Variants in SHOC1 observed in about 807,000 individuals in gnomAD.
SHOC1 encodes the protein shortage in chiasmata 1, also known as protein shortage in chiasmata 1 ortholog.
In SHOC1, 136 loss-of-function variants were observed where a neutral mutation model predicts 179.2. That is an observed-to-expected ratio of 0.76 (90% CI 0.66 to 0.87). SHOC1 has a LOEUF of 0.87. SHOC1 is among the 40% of genes least tolerant of loss of function. SHOC1 has a pLI of 0.00. For synonymous variants in SHOC1, 489 were observed against 586.6 expected (o/e 0.83, Z 2.41); for missense variants, 1,538 against 1,700.8 (o/e 0.90, Z 1.68).
At chr9:111,742,480 G>GGGGT (rs10663433) in intron 10 of SHOC1, among the ~76,000 whole-genome samples, 27,922 of 151,624 alleles carry the variant, frequency 0.18, 3,498 homozygotes, top group African/African-American at 0.35. Context: ...TGTGTGTTTA[G>GGGGT]GGGTACTCGG....
Position 111,692,395 on chromosome 9 carries a change from A to C in SHOC1, c.3582T>G (p.Ser1194Arg). ...RNQISTLSSQ[S>R]SASDLDSVIQ... ...TGACAGAGTCTAAATCAGAAGCTGA[A>C]CTTTGAGAAGACAAGGTACTAATCT... The change falls in exon 27 of 28, where the codon AGT (serine) becomes AGG (arginine). Residue 1194 changes from serine to arginine, a missense_variant. Ser to Arg is a moderately radical substitution (Grantham distance 110). Coordinates refer to ENST00000682961, the MANE Select transcript of SHOC1 (RefSeq NM_001378211.1). 1 of 1,613,664 alleles carries C rather than the reference A, an allele frequency of 6.2e-7. No individual in the cohort carries two copies. The highest frequency in any genetic ancestry group is 8.5e-7 in the Non-Finnish European group (1 of 1,179,806).
At chr9:111,781,449 G>A (rs1045244492) in intron 3 of SHOC1, among the ~76,000 whole-genome samples, 2 of 152,160 alleles carry the variant, frequency 1.3e-5, no homozygotes, top group African/African-American at 4.8e-5. Context: ...TAGGCGGCAC[G>A]TAGTGGCTCA....
chr9:111,712,781 A>G (rs990472935), intron 18 of SHOC1, among the ~76,000 whole-genome samples: 18 of 152,124 alleles, frequency 1.2e-4, no homozygotes, highest in Non-Finnish European at 2.6e-4. Context: ...TAGTTTCTTT[A>G]TTTGTAAAAC....
At chr9:111,736,056 A>G (rs113448645) in intron 12 of SHOC1, among the ~76,000 whole-genome samples, 1 of 152,358 alleles carries the variant, frequency 6.6e-6, no homozygotes, top group African/African-American at 2.4e-5. Flanking sequence ...CTGCTGAAAG[A>G]AATCATAGAT....
chr9:111,687,991 A>C lies in SHOC1; in HGVS notation c.4427-1121T>G, dbSNP rs140722593. 7.2e-5 allele frequency among the ~76,000 whole-genome samples: 11 copies of C among 152,354 alleles called. No homozygotes were observed. The Middle Eastern group carries it at 0.01, about 141-fold the overall frequency. On this transcript the variant is annotated intron_variant, in intron 27 of 27. Coordinates refer to ENST00000682961, the MANE Select transcript of SHOC1 (RefSeq NM_001378211.1). ...TTAACTCCAATTAAGGAGCTAAAGA[A>C]TCCTTAAGTAAACAATTAGATGAAA...
At position 111,691,805 on chromosome 9, in the gene SHOC1, C is replaced by T; in HGVS notation, c.4172G>A (p.Gly1391Asp). The change falls in exon 27 of 28, where the codon GGT becomes GAT. Residue 1391 changes from glycine (G) to aspartate (D), a missense_variant. Physicochemically the swap from Gly to Asp is moderately conservative, Grantham distance 94 (BLOSUM62 -1). Transcript: ENST00000682961. ...TACNKLYSQK[G>D]NLFTDQQKCL... ...TTTTTGCTGATCAGTGAATAAATTA[C>T]CTTTCTGAGAGTACAATTTGTTACA... The T allele has an allele frequency of 6.2e-7, 1 of 1,613,802 alleles. No individual in the cohort carries two copies. The highest frequency in any genetic ancestry group is 8.5e-7 in the Non-Finnish European group (1 of 1,179,950).
chr9:111,779,814 A>T (rs182062756), intron 4 of SHOC1, among the ~76,000 whole-genome samples: 1 of 152,342 alleles, frequency 6.6e-6, no homozygotes, highest in East Asian at 1.9e-4. Flanking sequence ...GGGGATTCAT[A>T]TGTACAGTAA....
intron 15 of SHOC1, among the ~76,000 whole-genome samples, chr9:111,720,847 A>G (rs1383935034): frequency 1.3e-5 from 2 of 152,240 alleles, no homozygotes; most frequent in Non-Finnish European, 2.9e-5. Context: ...GAAAACAGTA[A>G]TAAGAAGTGT....
intron 18 of SHOC1, among the ~76,000 whole-genome samples, chr9:111,709,567 T>C (rs891927915): frequency 2.0e-5 from 3 of 152,232 alleles, no homozygotes; most frequent in Admixed American, 1.3e-4. Flanking sequence ...CATCTTCCAG[T>C]TTATAGACTC....
chr9:111,741,777 G>A (rs754333537), intron 10 of SHOC1, among the ~76,000 whole-genome samples: 1 of 151,916 alleles, frequency 6.6e-6, no homozygotes, highest in African/African-American at 2.4e-5. Context: ...GATTACAGGC[G>A]TCTGCCACCA....
chr9:111,718,964 A>G (rs1488455344), intron 15 of SHOC1, among the ~76,000 whole-genome samples: 1 of 152,150 alleles, frequency 6.6e-6, no homozygotes, highest in Non-Finnish European at 1.5e-5. Flanking sequence ...TTTTTCATAT[A>G]TTGAGATCTC....
At chr9:111,700,102 T>C (rs1831899513) in intron 23 of SHOC1, 55 bp from the exon 24 acceptor site, 1 of 958,054 alleles carries the variant, frequency 1.0e-6, no homozygotes, top group East Asian at 2.8e-5. Context: ...ATTATATTTA[T>C]TAAAAATTCA....
At chr9:111,788,097 G>A (rs1156595937) in intron 2 of SHOC1, among the ~76,000 whole-genome samples, 6 of 118,132 alleles carry the variant, frequency 5.1e-5, no homozygotes, top group South Asian at 2.5e-4. Context: ...ACAGAGTCTC[G>A]CTCTTGTCGC....
chr9:111,780,921 G>C lies in SHOC1; in HGVS notation c.257+9C>G. 2 of 1,596,416 alleles carry C rather than the reference G, an allele frequency of 1.3e-6. No homozygotes were observed. Among genetic ancestry groups the C allele is most frequent in the South Asian group, 2.2e-5 (2 of 90,286 alleles). On this transcript the variant is annotated intron_variant, in intron 4 of 27. Transcript: ENST00000682961. The stretch of plus-strand genomic sequence containing the variant: ...TGTAAAAGAGAAATTTGAGATTAAG[G>C]ATACATACTTCTCAAGGAAATCCTC...
chr9:111,718,268 T>C lies in SHOC1; in HGVS notation c.2152A>G (p.Met718Val). ...VRQGTIDERE[M>V]TFKHAALLHL... is the part of the protein sequence containing the mutation. ...AAGAGAGCGGCATGCTTGAAAGTCATTTCTCTTTCATCAATTGTACCTAAG... is the reference window on the plus strand; with the variant it reads ...AAGAGAGCGGCATGCTTGAAAGTCACTTCTCTTTCATCAATTGTACCTAAG... Residue 718 changes from methionine to valine, a missense_variant, in exon 16 of 28, where the codon ATG becomes GTG. By Grantham distance (21) the Met-to-Val change is conservative. Transcript: ENST00000682961. 2 of 1,594,620 alleles carry C rather than the reference T, an allele frequency of 1.3e-6. No individual in the cohort carries two copies. The highest frequency in any genetic ancestry group is 1.7e-6 in the Non-Finnish European group (2 of 1,173,514).
At position 111,688,379 on chromosome 9, in the gene SHOC1, T is replaced by C. The variant is rs955879937; in HGVS notation, c.4427-1509A>G. 2.6e-5 allele frequency among the ~76,000 whole-genome samples: 4 copies of C among 152,188 alleles called. No homozygotes were observed. In the East Asian group the frequency reaches 5.8e-4, roughly 22 times the overall value. ...TTATTATCCATATATTATTTATATA[T>C]GGATATCCATATATAGTTATCCCTA... On this transcript the variant is annotated intron_variant, in intron 27 of 27. Transcript: ENST00000682961.
chr9:111,767,181 G>A (rs1835389915), intron 5 of SHOC1, among the ~76,000 whole-genome samples: 1 of 152,102 alleles, frequency 6.6e-6, no homozygotes, highest in Non-Finnish European at 1.5e-5. Flanking sequence ...TTGTGCAGAA[G>A]CTTTTTAGCT....
chr9:111,784,682 C>T (rs763282777), intron 3 of SHOC1, among the ~76,000 whole-genome samples: 6 of 152,166 alleles, frequency 3.9e-5, no homozygotes, highest in Non-Finnish European at 5.9e-5. Flanking sequence ...ATCATAGACT[C>T]GGTGGCTCAA....
In SHOC1 at chr9:111,691,691, T is replaced by C. The variant is rs771378185; in HGVS notation, c.4286A>G (p.Asp1429Gly). 1.2e-6 allele frequency: 2 copies of C among 1,613,974 alleles called. No homozygotes were observed. Among genetic ancestry groups the C allele is most frequent in the South Asian group, 2.2e-5 (2 of 91,080 alleles). The change falls in exon 27 of 28, where the codon GAT becomes GGT. Residue 1429 changes from aspartate (D) to glycine (G), a missense_variant. Asp to Gly is a moderately conservative substitution (Grantham distance 94, BLOSUM62 -1). Coordinates refer to ENST00000682961, the MANE Select transcript of SHOC1 (RefSeq NM_001378211.1). ...ATTAGAATCAGAAGCACGAAATAAA[T>C]CCAAACTGGGGACAGATGGTAATTC... ...WRELPSVPSLDLFRASDSNAN... is the reference protein window; with the variant it reads ...WRELPSVPSLGLFRASDSNAN...
Sources: gnomAD v4.1 joint callset for allele counts (sites outside exome capture counted in the v4.1 genomes callset) on GRCh38, gnomAD v4.1.1 for gene constraint, MANE v1.5 for transcripts, NCBI Gene and HGNC (gene_info 2026-07-23, HGNC 2026-07-21) for gene names.